The following FBXO43 variants were observed in gnomAD, a reference collection of about 807,000 sequenced individuals.
FBXO43 encodes F-box protein 43.
FBXO43 carries 22 observed loss-of-function variants against 56.7 expected under a neutral mutation model. The ratio of observed to expected loss-of-function variants is 0.39; its 90% CI spans 0.28 to 0.55. The LOEUF (loss-of-function observed/expected upper bound fraction) is 0.55. FBXO43 is among the 20% of genes least tolerant of loss of function. The probability of loss-of-function intolerance (pLI) is 0.66; values close to 1 mark genes in which losing one functional copy is unlikely to be tolerated. For synonymous variants in FBXO43, 306 were observed against 294.5 expected, an observed-to-expected ratio of 1.04 and a Z score of -0.40; for missense variants, 733 against 814.9, an observed-to-expected ratio of 0.90 and a Z score of 1.22.
At chr8:100,136,515 G>A (rs1291168027) in intron 3 of FBXO43, among the ~76,000 whole-genome samples, 2 of 152,236 alleles carry the variant, frequency 1.3e-5, no homozygotes, top group Admixed American at 1.3e-4. Flanking sequence ...TAGCATGCCT[G>A]AGAGGAATCC....
Position 100,140,820 on chromosome 8 carries a change from C to T in FBXO43, c.1434G>A (p.Leu478=), listed in dbSNP as rs546079081. ...CGATCAGTCCTGCAAGTATACACTG[C>T]AGTACAGCTATTTTCTCCCCATCCC... ...EQGDGEKIAV[L]QCILAGLIGK... Residue 478 remains leucine, a synonymous_variant, in exon 2 of 5, where the codon CTG becomes CTA. Transcript: ENST00000428847. 1 of 1,614,246 alleles carries T rather than the reference C, an allele frequency of 6.2e-7. No homozygotes were observed. The highest frequency in any genetic ancestry group is 8.5e-7 in the Non-Finnish European group (1 of 1,180,042).
At chr8:100,137,742 G>A in intron 2 of FBXO43, 75 bp from the exon 3 acceptor site, 1 of 1,060,926 alleles carries the variant, frequency 9.4e-7, no homozygotes. Flanking sequence ...GCTAACTAAT[G>A]AGAAAAATTT....
intron 1 of FBXO43, 146 bp from the exon 2 acceptor site, chr8:100,142,314 C>T (rs1993708): frequency 1 from 660,495 of 661,184 alleles, 329,907 homozygotes; most frequent in East Asian, 1. Flanking sequence ...ACAATTCTAC[C>T]CCATAAGAAA....
At chr8:100,148,240 GACTAT>G (rs199529387), upstream of FBXO43, among the ~76,000 whole-genome samples, 1 of 126,698 alleles carries the variant, frequency 7.9e-6, no homozygotes, top group Non-Finnish European at 1.7e-5. Context: ...AGGAGTGAAA[GACTAT>G]ATCATATCTC....
In FBXO43 at chr8:100,140,699, C is replaced by T. The variant is rs375949319; in HGVS notation, c.1555G>A (p.Ala519Thr). 36 of 1,594,688 alleles carry T rather than the reference C, an allele frequency of 2.3e-5. No homozygotes were observed. Among genetic ancestry groups the T allele is most frequent in the East Asian group, 2.0e-4 (9 of 44,770 alleles). ...ACTTCTTACCTGCATAGGCTCTCTG[C>T]GGTCAAGGACTCTAAAACCATAGCA... ...ILAMVLESLT[A>T]ESLCSVWKVS... Residue 519 changes from alanine to threonine, a missense_variant, in exon 2 of 5, where the codon GCA becomes ACA. Coordinates refer to ENST00000428847, the MANE Select transcript of FBXO43 (RefSeq NM_001029860.4).
intron 1 of FBXO43, among the ~76,000 whole-genome samples, chr8:100,142,644 A>G (rs1169805749): frequency 6.6e-6 from 1 of 152,214 alleles, no homozygotes; most frequent in Non-Finnish European, 1.5e-5. Context: ...CTGCCTCTAG[A>G]TCTACCTGCA....
chr8:100,148,109 C>T (rs367702322), upstream of FBXO43, among the ~76,000 whole-genome samples: 9 of 152,294 alleles, frequency 5.9e-5, no homozygotes, highest in East Asian at 1.2e-3. Flanking sequence ...CCAATGTAAA[C>T]AGGGCAGGGA....
intron 3 of FBXO43, 63 bp from the exon 4 acceptor site, chr8:100,134,427 G>A: frequency 7.4e-7 from 1 of 1,349,036 alleles, no homozygotes; most frequent in Non-Finnish European, 1.1e-6. Flanking sequence ...ATAGCTTTCT[G>A]ATGCACACGG....
intron 2 of FBXO43, among the ~76,000 whole-genome samples, chr8:100,139,141 G>A (rs1356086494): frequency 6.6e-6 from 1 of 152,110 alleles, no homozygotes; most frequent in Non-Finnish European, 1.5e-5. Flanking sequence ...CTGTTAGCAG[G>A]TCACTTCTCT....
chr8:100,145,901 C>G (rs1814821153), upstream of FBXO43: 1 of 152,874 alleles, frequency 6.5e-6, no homozygotes, highest in Non-Finnish European at 1.5e-5. Flanking sequence ...CTGCAGCGCT[C>G]CCGCCCGGCC....
At chr8:100,147,416 A>G (rs908599518), upstream of FBXO43, among the ~76,000 whole-genome samples, 7 of 152,248 alleles carry the variant, frequency 4.6e-5, no homozygotes, top group African/African-American at 1.7e-4. Context: ...GGGCAGGAAA[A>G]TTTCAAACTC....
At chr8:100,147,837 G>A (rs1363684093), upstream of FBXO43, among the ~76,000 whole-genome samples, 4 of 152,190 alleles carry the variant, frequency 2.6e-5, no homozygotes, top group African/African-American at 9.7e-5. Flanking sequence ...TGAGGTACCT[G>A]TAGGACTGTA....
At position 100,140,838 on chromosome 8, in the gene FBXO43, C is replaced by T. The variant is rs1016280099; in HGVS notation, c.1416G>A (p.Gly472=). ...TACACTGCAGTACAGCTATTTTCTCCCCATCCCCTTGCTCTAAGAATTCAT... is the reference window on the plus strand; with the variant it reads ...TACACTGCAGTACAGCTATTTTCTCTCCATCCCCTTGCTCTAAGAATTCAT... ...SGHEFLEQGD[G]EKIAVLQCIL... Residue 472 remains glycine, a synonymous_variant, in exon 2 of 5, where the codon GGG becomes GGA. Transcript: ENST00000428847. 4.3e-6 allele frequency: 7 copies of T among 1,614,062 alleles called. No individual in the cohort carries two copies. Among genetic ancestry groups the T allele is most frequent in the Non-Finnish European group, 5.9e-6 (7 of 1,180,042 alleles).
At position 100,145,757 on chromosome 8, in the gene FBXO43, G is replaced by A. The variant is rs1814813588; in HGVS notation, c.-622C>T. ...GCCTCGGCCTCGCCCCCTGGGATGC[G>A]GGCTATGGCAACCCCCACGCCAGCT... is the stretch of plus-strand genomic sequence containing the variant. On this transcript the variant is annotated 5_prime_UTR_variant, in exon 1 of 5. Coordinates refer to ENST00000428847, the MANE Select transcript of FBXO43 (RefSeq NM_001029860.4). 1 of 152,412 alleles carries A rather than the reference G, an allele frequency of 6.6e-6. No individual in the cohort carries two copies. Among genetic ancestry groups the A allele is most frequent in the African/African-American group, 2.4e-5 (1 of 41,460 alleles). 9.4% of individuals were successfully genotyped at this position (152,412 alleles called of 1,614,324 possible).
At chr8:100,146,216 G>A (rs1019019673), upstream of FBXO43, among the ~76,000 whole-genome samples, 2 of 152,170 alleles carry the variant, frequency 1.3e-5, no homozygotes, top group African/African-American at 2.4e-5. Context: ...GAATAACTTG[G>A]ATACGGTAAA....
intron 1 of FBXO43, among the ~76,000 whole-genome samples, chr8:100,144,329 T>A (rs1025043012): frequency 6.6e-6 from 1 of 150,594 alleles, no homozygotes; most frequent in African/African-American, 2.4e-5. Flanking sequence ...CTGGGTAACA[T>A]AGTGAGACCC....
At chr8:100,150,268 G>C (rs1814895048), upstream of FBXO43, among the ~76,000 whole-genome samples, 1 of 152,204 alleles carries the variant, frequency 6.6e-6, no homozygotes, top group African/African-American at 2.4e-5. Flanking sequence ...TTTTCTACGT[G>C]AAAATCATTG....
At chr8:100,144,167 T>A (rs981416823) in intron 1 of FBXO43, among the ~76,000 whole-genome samples, 3 of 152,234 alleles carry the variant, frequency 2.0e-5, no homozygotes, top group African/African-American at 7.2e-5. Context: ...AGAGGCAAAT[T>A]GTTAAAAACA....
At chr8:100,143,054 T>G (rs1379027711) in intron 1 of FBXO43, among the ~76,000 whole-genome samples, 1 of 152,234 alleles carries the variant, frequency 6.6e-6, no homozygotes, top group Non-Finnish European at 1.5e-5. Flanking sequence ...GGAATGACAC[T>G]AAGAAATATT....
Sources: gnomAD v4.1 joint callset for allele counts (sites outside exome capture counted in the v4.1 genomes callset) on GRCh38, gnomAD v4.1.1 for gene constraint, MANE v1.5 for transcripts, NCBI Gene and HGNC (gene_info 2026-07-23, HGNC 2026-07-21) for gene names.